Variants in PGM2L1 observed in about 807,000 individuals in gnomAD.
PGM2L1 encodes the protein phosphoglucomutase 2 like 1, also known as glucose 1,6-bisphosphate synthase.
In PGM2L1, 35 loss-of-function variants were observed where a neutral mutation model predicts 73.4. The observed-to-expected ratio is 0.48, with a 90% CI of 0.36 to 0.63. The LOEUF is 0.63. PGM2L1 is among the 30% of genes least tolerant of loss of function. The pLI is 0.00. For missense variants in PGM2L1, 570 were observed against 742.0 expected, an observed-to-expected ratio of 0.77 and a Z score of 2.69; for synonymous variants, 225 against 253.8, an observed-to-expected ratio of 0.89 and a Z score of 1.08.
At chr11:74,389,878 C>T (rs1202653132) in intron 1 of PGM2L1, among the ~76,000 whole-genome samples, 5 of 141,582 alleles carry the variant, frequency 3.5e-5, no homozygotes, top group East Asian at 2.1e-4. Flanking sequence ...CCGAGGCGGG[C>T]GGATCACGAG....
intron 5 of PGM2L1, among the ~76,000 whole-genome samples, chr11:74,353,675 T>A (rs1290219): frequency 6.6e-5 from 10 of 151,672 alleles, no homozygotes; most frequent in Middle Eastern, 3.4e-3. Context: ...ATTCACAGCA[T>A]CCCAAGGCAG....
At chr11:74,392,420 A>G (rs1169196207) in intron 1 of PGM2L1, among the ~76,000 whole-genome samples, 1 of 152,188 alleles carries the variant, frequency 6.6e-6, no homozygotes, top group African/African-American at 2.4e-5. Flanking sequence ...TCTTGGACAG[A>G]AGGAGAATAC....
At chr11:74,389,307 TG>T (rs1270873844) in intron 1 of PGM2L1, among the ~76,000 whole-genome samples, 2 of 152,150 alleles carry the variant, frequency 1.3e-5, no homozygotes, top group Non-Finnish European at 2.9e-5. Flanking sequence ...TATAATAAGA[TG>T]TATATTCTTT....
chr11:74,339,308 A>C (rs1862147736), intron 12 of PGM2L1, among the ~76,000 whole-genome samples: 1 of 152,220 alleles, frequency 6.6e-6, no homozygotes, highest in Admixed American at 6.5e-5. Context: ...TTAAAAAAAG[A>C]AGTGATGTTT....
Position 74,345,601 on chromosome 11 carries a change from T to G in PGM2L1, c.1086A>C (p.Gly362=). The G allele has an allele frequency of 6.2e-7, 1 of 1,613,768 alleles. No individual in the cohort carries two copies. The highest frequency in any genetic ancestry group is 8.5e-7 in the Non-Finnish European group (1 of 1,179,900). The stretch of plus-strand genomic sequence containing the variant: ...TCTTCCAGCAATCAAACATCCACCA[T>G]CCAAACAAAGCTGCCAACTCATTCC... ...FTGNELAALF[G]WWMFDCWKKN... is the part of the protein sequence containing the mutation. Residue 362 remains glycine, a synonymous_variant, in exon 9 of 14, where the codon GGA becomes GGC. Coordinates refer to ENST00000298198, the MANE Select transcript of PGM2L1 (RefSeq NM_173582.6).
chr11:74,398,190 G>T lies in PGM2L1; in HGVS notation c.-29C>A, dbSNP rs764473839. The T allele has an allele frequency of 1.3e-6, 2 of 1,592,822 alleles. No homozygotes were observed. On this transcript the variant is annotated 5_prime_UTR_variant, in exon 1 of 14. Coordinates refer to ENST00000298198, the MANE Select transcript of PGM2L1 (RefSeq NM_173582.6). Reference sequence around the variant, plus strand: ...GACCAGACAGGCGTACGGGCCGGGGGCCGGCGAAGACACTGAGTTGGGGTG... The same window carrying T: ...GACCAGACAGGCGTACGGGCCGGGGTCCGGCGAAGACACTGAGTTGGGGTG...
chr11:74,340,915 C>A (rs918606477), intron 12 of PGM2L1, among the ~76,000 whole-genome samples: 2 of 151,362 alleles, frequency 1.3e-5, no homozygotes, highest in Non-Finnish European at 2.9e-5. Context: ...AACAACTGGA[C>A]CAAAAATGCA....
At chr11:74,349,968 A>C (rs1380841800) in intron 6 of PGM2L1, among the ~76,000 whole-genome samples, 1 of 152,186 alleles carries the variant, frequency 6.6e-6, no homozygotes, top group Non-Finnish European at 1.5e-5. Flanking sequence ...TACATAGTCA[A>C]TAACTGTAAA....
chr11:74,394,648 T>C (rs1323507351), intron 1 of PGM2L1, among the ~76,000 whole-genome samples: 1 of 152,190 alleles, frequency 6.6e-6, no homozygotes, highest in Non-Finnish European at 1.5e-5. Context: ...ACAGCAGAAA[T>C]AAAAGTTCTT....
At chr11:74,347,430 T>A in intron 6 of PGM2L1, 93 bp from the exon 7 acceptor site, 1 of 1,093,096 alleles carries the variant, frequency 9.1e-7, no homozygotes, top group Non-Finnish European at 1.3e-6. Context: ...AAAATGTGAT[T>A]AAATGTGATT....
At chr11:74,397,014 G>A (rs566171297) in intron 1 of PGM2L1, among the ~76,000 whole-genome samples, 1 of 152,284 alleles carries the variant, frequency 6.6e-6, no homozygotes, top group Non-Finnish European at 1.5e-5. Context: ...CACGCACTCA[G>A]CATTCAATAT....
At chr11:74,397,973 G>A in intron 1 of PGM2L1, 78 bp downstream of exon 1, 2 of 1,446,264 alleles carry the variant, frequency 1.4e-6, no homozygotes, top group Non-Finnish European at 1.8e-6. Context: ...TGCAGCCCGC[G>A]GGGCGCTGGG....
chr11:74,352,990 T>A (rs1862381235), intron 5 of PGM2L1, among the ~76,000 whole-genome samples: 1 of 152,160 alleles, frequency 6.6e-6, no homozygotes, highest in African/African-American at 2.4e-5. Flanking sequence ...CTGCCCACTA[T>A]TACAGAGATC....
intron 12 of PGM2L1, among the ~76,000 whole-genome samples, chr11:74,338,978 T>C (rs1036707822): frequency 6.6e-6 from 1 of 152,236 alleles, no homozygotes; most frequent in Non-Finnish European, 1.5e-5. Context: ...AGATTACCTA[T>C]ATGTAATAAT....
At chr11:74,396,868 T>A (rs960009696) in intron 1 of PGM2L1, among the ~76,000 whole-genome samples, 1 of 152,252 alleles carries the variant, frequency 6.6e-6, no homozygotes, top group Admixed American at 6.5e-5. Context: ...AATATACATA[T>A]GACCAATTAA....
intron 1 of PGM2L1, among the ~76,000 whole-genome samples, chr11:74,377,071 C>T (rs1591186581): frequency 6.6e-6 from 1 of 151,624 alleles, no homozygotes; most frequent in African/African-American, 2.4e-5. Flanking sequence ...TATATCACTA[C>T]GATTTTATAA....
In PGM2L1 at chr11:74,351,530, T is replaced by C. The variant is rs776524650; in HGVS notation, c.602A>G (p.Glu201Gly). 2 of 1,613,174 alleles carry C rather than the reference T, an allele frequency of 1.2e-6. No homozygotes were observed. The highest frequency in any genetic ancestry group is 2.2e-5 in the South Asian group (2 of 90,944). Reference protein sequence around the residue: ...GAQITSPHDKEILKCIEECVE... With the variant: ...GAQITSPHDKGILKCIEECVE... ...ACATTCTTCTATACATTTTAGAATT[T>C]CTTTATCATGAGGAGATGTGATCTG... The change falls in exon 6 of 14, where the codon GAA becomes GGA. Residue 201 changes from glutamate to glycine, a missense_variant. By Grantham distance (98) the Glu-to-Gly change is moderately conservative. Coordinates refer to ENST00000298198, the MANE Select transcript of PGM2L1 (RefSeq NM_173582.6).
chr11:74,346,024 G>A (rs1294277273), intron 8 of PGM2L1, among the ~76,000 whole-genome samples: 3 of 151,874 alleles, frequency 2.0e-5, no homozygotes, highest in Non-Finnish European at 2.9e-5. Flanking sequence ...CAGCACTTTG[G>A]GGGGCCAAGG....
intron 5 of PGM2L1, among the ~76,000 whole-genome samples, chr11:74,352,292 T>C (rs780360738): frequency 1.3e-5 from 2 of 152,162 alleles, no homozygotes; most frequent in Non-Finnish European, 2.9e-5. Context: ...TTGATACTAT[T>C]TAACTTAACA....
Sources: allele counts gnomAD v4.1 joint callset (sites outside exome capture counted in the v4.1 genomes callset), GRCh38; gene constraint gnomAD v4.1.1; transcripts MANE v1.5; gene names NCBI Gene and HGNC (gene_info 2026-07-23, HGNC 2026-07-21).